Variants in ACAA1 observed in about 807,000 individuals in gnomAD.
ACAA1 encodes the protein acetyl-CoA acyltransferase 1, also known as 3-ketoacyl-CoA thiolase, peroxisomal.
A neutral mutation model predicts 48.8 loss-of-function variants in ACAA1; 44 were observed. The ratio of observed to expected loss-of-function variants is 0.90; its 90% CI spans 0.71 to 1.16. The LOEUF is 1.16. Ranked by LOEUF, ACAA1 falls within the 50% of genes most tolerant of loss-of-function variation. The pLI is 0.00. For synonymous variants in ACAA1, 233 were observed against 226.5 expected, an observed-to-expected ratio of 1.03 and a Z score of -0.26; for missense variants, 512 against 562.3, an observed-to-expected ratio of 0.91 and a Z score of 0.90.
chr3:38,136,986 GA>G lies in ACAA1; in HGVS notation c.49del (p.Ser17ProfsTer11). 1.3e-6 allele frequency: 2 copies of G among 1,561,950 alleles called. No individual in the cohort carries two copies. The highest frequency in any genetic ancestry group is 3.8e-5 in the Admixed American group (2 of 53,136). Reference protein sequence around the residue: ...VLGHLRGPADSGWMPQAAPCL... With the variant: ...VLGHLRGPADXGWMPQAAPCL... ...AGGCGCGGCCTGCGGCATCCAGCCG[GA>G]ATCGGCCGGACCCCTCAGGTGGCCC... is the stretch of plus-strand genomic sequence containing the variant. On this transcript the variant is annotated frameshift_variant, in exon 1 of 12. Coordinates refer to ENST00000333167, the MANE Select transcript of ACAA1 (RefSeq NM_001607.4). LOFTEE classifies it high-confidence loss of function.
intron 3 of ACAA1, 45 bp from the exon 4 acceptor site, chr3:38,132,050 C>A: frequency 6.5e-7 from 1 of 1,536,786 alleles, no homozygotes; most frequent in Non-Finnish European, 9.0e-7. Context: ...CAATTCCATG[C>A]CAGGCTCTCA....
Position 38,127,799 on chromosome 3 carries a change from C to G in ACAA1, c.613G>C (p.Ala205Pro). ...ATCAGCACTCACTTCTGCTGGGAAG[C>G]CAGGGCAAAGGTATCCTGCTTCTCC... is the stretch of plus-strand genomic sequence containing the variant. ...SREKQDTFALASQQKAARAQS... is the reference protein window; with the variant it reads ...SREKQDTFALPSQQKAARAQS... Residue 205 changes from alanine (A) to proline (P), a missense_variant, in exon 7 of 12, where the codon GCT becomes CCT. Coordinates refer to ENST00000333167, the MANE Select transcript of ACAA1 (RefSeq NM_001607.4). 1 of 1,614,168 alleles carries G rather than the reference C, an allele frequency of 6.2e-7. No homozygotes were observed. The highest frequency in any genetic ancestry group is 1.1e-5 in the South Asian group (1 of 91,080).
At chr3:38,125,322 G>C (rs1041428655) in intron 11 of ACAA1, 5 of 374,938 alleles carry the variant, frequency 1.3e-5, no homozygotes, top group Non-Finnish European at 2.3e-5. Flanking sequence ...AAGTAAGAAG[G>C]GGGTAAAGAG....
intron 11 of ACAA1, chr3:38,123,406 A>C (rs2125760890): frequency 2.7e-6 from 1 of 364,302 alleles, no homozygotes; most frequent in Non-Finnish European, 5.0e-6. Context: ...CCAGGGATCG[A>C]TCATAATCCC....
rs1276443656 is a variant in ACAA1 at position 38,122,945 on chromosome 3, CCAGTG to C, written c.*97_*101del. Reference sequence around the variant, plus strand: ...CTTGATCTGTCCACTGCCACCACCACCAGTGCTGAGTTTTCCCATGTGGTTTTGCT... The same window carrying C: ...CTTGATCTGTCCACTGCCACCACCACCTGAGTTTTCCCATGTGGTTTTGCT... On this transcript the variant is annotated 3_prime_UTR_variant, in exon 12 of 12. Transcript: ENST00000333167. 5.0e-6 allele frequency: 6 copies of C among 1,193,422 alleles called. No individual in the cohort carries two copies. Among genetic ancestry groups the C allele is most frequent in the East Asian group, 4.7e-5 (2 of 42,698 alleles). 73.9% of individuals were successfully genotyped at this position (1,193,422 alleles called of 1,614,324 possible).
intron 6 of ACAA1, among the ~76,000 whole-genome samples, chr3:38,128,314 C>A (rs1700720072): frequency 6.6e-6 from 1 of 152,216 alleles, no homozygotes; most frequent in South Asian, 2.1e-4. Context: ...ACTCCCAAAT[C>A]TCCTCTGGAA....
rs998887338 is a variant in ACAA1, at chr3:38,129,690, C to T, written c.447-302G>A. Among the ~76,000 whole-genome samples the T allele has an allele frequency of 6.6e-6, 1 of 152,242 alleles. No homozygotes were observed. The highest frequency in any genetic ancestry group is 2.4e-5 in the African/African-American group (1 of 41,458). ...CCAACTGGCAATTCCAGAGAAAAGC[C>T]TTCTGCTGTCAGCCACAGAGGAGGA... is the stretch of plus-strand genomic sequence containing the variant. On this transcript the variant is annotated intron_variant, in intron 5 of 11. Transcript: ENST00000333167. The surrounding 1 kb of genome is among the most constrained non-coding windows in gnomAD (Gnocchi z 5.3).
At position 38,126,493 on chromosome 3, in the gene ACAA1, C is replaced by G; in HGVS notation, c.817+17G>C. 3.7e-6 allele frequency: 6 copies of G among 1,614,210 alleles called. No homozygotes were observed. The highest frequency in any genetic ancestry group is 4.2e-6 in the Non-Finnish European group (5 of 1,180,032). ...CATGGCCTGCTTTCTCATACCCCTA[C>G]CCCGGACCAGTCTCACCAGCTGTGG... On this transcript the variant is annotated intron_variant, in intron 8 of 11. Coordinates refer to ENST00000333167, the MANE Select transcript of ACAA1 (RefSeq NM_001607.4). This position sits in a 1 kb window ranked among gnomAD's most constrained non-coding sequence, Gnocchi z 4.7.
Position 38,125,884 on chromosome 3 carries a change from G to A in ACAA1, c.998-3C>T. ...GTCCACGTCACTCACTGTCAGCCCT[G>A]CAGACAAGGTAAAGACCTGAGCTGA... On this transcript the variant is annotated splice_region_variant and splice_polypyrimidine_tract_variant and intron_variant, in intron 9 of 11. Transcript: ENST00000333167. The A allele has an allele frequency of 1.2e-6, 2 of 1,614,158 alleles. No homozygotes were observed. Among genetic ancestry groups the A allele is most frequent in the Non-Finnish European group, 1.7e-6 (2 of 1,180,032 alleles).
chr3:38,136,997 A>G lies in ACAA1; in HGVS notation c.39T>C (p.Gly13=). 1 of 1,564,614 alleles carries G rather than the reference A, an allele frequency of 6.4e-7. No homozygotes were observed. The highest frequency in any genetic ancestry group is 8.6e-7 in the Non-Finnish European group (1 of 1,157,116). Residue 13 remains glycine, a synonymous_variant, in exon 1 of 12, where the codon GGT becomes GGC. Coordinates refer to ENST00000333167, the MANE Select transcript of ACAA1 (RefSeq NM_001607.4). The part of the protein sequence containing the change: ...RLQVVLGHLR[G]PADSGWMPQA... ...GCGGCATCCAGCCGGAATCGGCCGG[A>G]CCCCTCAGGTGGCCCAGCACTACCT...
At chr3:38,134,365 G>A in intron 2 of ACAA1, 3 of 422,106 alleles carry the variant, frequency 7.1e-6, no homozygotes, top group South Asian at 4.1e-5. Context: ...TGTCACCCCA[G>A]AGAGGTGGAA....
rs1451279319 is a variant in ACAA1 at position 38,133,984 on chromosome 3, C to G, written c.291G>C (p.Gly97=). 1 of 1,614,110 alleles carries G rather than the reference C, an allele frequency of 6.2e-7. No individual in the cohort carries two copies. The highest frequency in any genetic ancestry group is 1.1e-5 in the South Asian group (1 of 91,076). Residue 97 remains glycine (G), a synonymous_variant, in exon 3 of 12, where the codon GGG becomes GGC. Coordinates refer to ENST00000333167, the MANE Select transcript of ACAA1 (RefSeq NM_001607.4). The part of the protein sequence containing the change: ...CVGNVLQPGA[G]AIMARIAQFL... ...ACTGGGCGATTCGGGCCATGATTGC[C>G]CCGGCCCCAGGCTGCAGCACATTTC...
rs1700794861 is a variant in ACAA1 at position 38,131,833 on chromosome 3, G to C, written c.403+93C>G. ...ACTCTTTCTGTGGTTAGAGTCCTCA[G>C]AAATGGTAATTATTGCTTGCCCGGC... On this transcript the variant is annotated intron_variant, in intron 4 of 11. Coordinates refer to ENST00000333167, the MANE Select transcript of ACAA1 (RefSeq NM_001607.4). 5 of 1,362,358 alleles carry C rather than the reference G, an allele frequency of 3.7e-6. No individual in the cohort carries two copies. The African/African-American group carries it at 7.2e-5, about 20-fold the overall frequency. The allele number at this position is 1,362,358 out of a possible 1,614,324, so 84.4% of individuals were successfully genotyped here.
chr3:38,127,744 A>T, intron 7 of ACAA1, 42 bp downstream of exon 7: 1 of 1,597,308 alleles, frequency 6.3e-7, no homozygotes, highest in Non-Finnish European at 8.6e-7. Context: ...TCAAAACCTC[A>T]CTCTCCAGCC....
chr3:38,137,076 C>G lies in ACAA1; in HGVS notation c.-41G>C. The G allele has an allele frequency of 6.7e-7, 1 of 1,487,318 alleles. No homozygotes were observed. The highest frequency in any genetic ancestry group is 9.0e-7 in the Non-Finnish European group (1 of 1,116,434). 92.1% of individuals were successfully genotyped at this position (1,487,318 alleles called of 1,614,324 possible). A position where few individuals can be genotyped will look rare whatever the true frequency, so the allele number is the denominator to read the frequency against. Reference sequence around the variant, plus strand: ...TGCAGACCAGCCACCAGTCCGGGAACTGACCGCGGAGTTAACAGACAGCCG... The same window carrying G: ...TGCAGACCAGCCACCAGTCCGGGAAGTGACCGCGGAGTTAACAGACAGCCG... On this transcript the variant is annotated 5_prime_UTR_variant, in exon 1 of 12. Coordinates refer to ENST00000333167, the MANE Select transcript of ACAA1 (RefSeq NM_001607.4).
chr3:38,128,203 A>C (rs893249282), intron 6 of ACAA1, among the ~76,000 whole-genome samples: 1 of 152,208 alleles, frequency 6.6e-6, no homozygotes, highest in African/African-American at 2.4e-5. Flanking sequence ...CGCAGGGTAG[A>C]AAAGGAGCAG....
rs113334896 is a variant in ACAA1 at position 38,126,623 on chromosome 3, C to A, written c.704G>T (p.Gly235Val). The A allele has an allele frequency of 1.6e-5, 26 of 1,614,164 alleles. No individual in the cohort carries two copies. The African/African-American group carries it at 2.7e-4, about 17-fold the overall frequency. ...GGTCACAGTGATGCTCCTCTTGGTG[C>A]CCTTGTCATCATGGACCGTGGTGGT... ...PVTTTVHDDK[G>V]TKRSITVTQD... Residue 235 changes from glycine to valine, a missense_variant, in exon 8 of 12, where the codon GGC (glycine) becomes GTC (valine). Physicochemically the swap from Gly to Val is moderately radical, Grantham distance 109 (BLOSUM62 -3). Transcript: ENST00000333167. This position sits in a 1 kb window ranked among gnomAD's most constrained non-coding sequence, Gnocchi z 4.7.
intron 3 of ACAA1, 33 bp from the exon 4 acceptor site, chr3:38,132,038 C>T (rs1457983333): frequency 6.3e-7 from 1 of 1,580,780 alleles, no homozygotes; most frequent in Non-Finnish European, 8.7e-7. Flanking sequence ...AGAATCAGCC[C>T]CCAATTCCAT....
chr3:38,129,360 C>T lies in ACAA1; in HGVS notation c.475G>A (p.Gly159Arg), dbSNP rs1700741750. ...GVESMSLADR[G>R]NPGNITSRLM... ...CGCGAAGTAATATTTCCAGGGTTCC[C>T]TCTGTCAGCCAGGGACATGGACTCC... Residue 159 changes from glycine to arginine, a missense_variant, in exon 6 of 12, where the codon GGG becomes AGG. By Grantham distance (125) the Gly-to-Arg change is moderately radical. Coordinates refer to ENST00000333167, the MANE Select transcript of ACAA1 (RefSeq NM_001607.4). The surrounding 1 kb of genome is among the most constrained non-coding windows in gnomAD (Gnocchi z 5.3). 1 of 1,614,130 alleles carries T rather than the reference C, an allele frequency of 6.2e-7. No homozygotes were observed. The highest frequency in any genetic ancestry group is 1.1e-5 in the South Asian group (1 of 91,080).
Sources: gnomAD v4.1 joint callset for allele counts (sites outside exome capture counted in the v4.1 genomes callset) on GRCh38, gnomAD v4.1.1 for gene constraint, Gnocchi (gnomAD v3.1) non-coding constraint, MANE v1.5 for transcripts, NCBI Gene and HGNC (gene_info 2026-07-23, HGNC 2026-07-21) for gene names.